KBTBD12: variants seen among roughly 807,000 people sequenced by gnomAD.
KBTBD12 encodes kelch repeat and BTB domain-containing protein 12.
A neutral mutation model predicts 58.7 loss-of-function variants in KBTBD12; 53 were observed. That is an observed-to-expected ratio of 0.90 (90% CI 0.72 to 1.14). The LOEUF (loss-of-function observed/expected upper bound fraction) is 1.14, where lower values mean the gene tolerates loss of function less well. Among genes scored for constraint, KBTBD12 ranks in the 50% most tolerant of loss-of-function variants. The probability of loss-of-function intolerance (pLI) is 0.00; values close to 1 mark genes in which losing one functional copy is unlikely to be tolerated. For missense variants in KBTBD12, 704 were observed against 751.3 expected (o/e 0.94, Z 0.74); for synonymous variants, 236 against 259.8 (o/e 0.91, Z 0.88).
chr3:127,958,227 AG>A (rs1389178060), intron 4 of KBTBD12, among the ~76,000 whole-genome samples: 1 of 151,942 alleles, frequency 6.6e-6, no homozygotes, highest in African/African-American at 2.4e-5. Context: ...GGCACTGAGG[AG>A]GTACAGTCAG....
chr3:127,978,735 G>A lies in KBTBD12; in HGVS notation c.1691-5362G>A, dbSNP rs180866317. ...CTGACCAGGGAAACTTTGGTCCCAAGAGTCTGAGTAAAGTCCCCATTGCCT... is the reference window on the plus strand; with the variant it reads ...CTGACCAGGGAAACTTTGGTCCCAAAAGTCTGAGTAAAGTCCCCATTGCCT... On this transcript the variant is annotated intron_variant, in intron 5 of 5. Transcript: ENST00000405109. 4.6e-5 allele frequency among the ~76,000 whole-genome samples: 7 copies of A among 152,330 alleles called. No individual in the cohort carries two copies. The East Asian group carries it at 1.3e-3, about 29-fold the overall frequency.
intron 5 of KBTBD12, 94 bp downstream of exon 5, chr3:127,963,480 A>G: frequency 8.5e-7 from 1 of 1,174,182 alleles, no homozygotes; most frequent in Non-Finnish European, 1.2e-6. Context: ...CCTGAGAGCA[A>G]CGTGAGCACT....
rs1311731817 is a variant in KBTBD12 at position 127,986,330 on chromosome 3, G to A, written c.*2052G>A. 1.3e-5 allele frequency: 2 copies of A among 152,600 alleles called. No homozygotes were observed. The highest frequency in any genetic ancestry group is 4.8e-5 in the African/African-American group (2 of 41,440). 9.5% of individuals were successfully genotyped at this position (152,600 alleles called of 1,614,324 possible). On this transcript the variant is annotated 3_prime_UTR_variant, in exon 6 of 6. Transcript: ENST00000405109. ...GGATTAAGTGCTGAGCAAAGTGCCT[G>A]TGAAATCCTGAAATAATAAGCATGT...
chr3:127,938,891 G>A (rs1329911325), intron 4 of KBTBD12, among the ~76,000 whole-genome samples: 1 of 152,122 alleles, frequency 6.6e-6, no homozygotes, highest in Non-Finnish European at 1.5e-5. Context: ...TCTGTAAACA[G>A]AAGTAGGTAC....
chr3:127,968,403 A>C (rs1465309268), intron 5 of KBTBD12, among the ~76,000 whole-genome samples: 1 of 152,222 alleles, frequency 6.6e-6, no homozygotes, highest in Non-Finnish European at 1.5e-5. Context: ...AACAATTCCA[A>C]ACTTACTATT....
intron 4 of KBTBD12, among the ~76,000 whole-genome samples, chr3:127,952,923 A>G (rs1340703817): frequency 2.6e-5 from 4 of 152,226 alleles, no homozygotes; most frequent in Non-Finnish European, 5.9e-5. Context: ...GTATTCTTTA[A>G]CAGAAATAAG....
rs1559759643 is a variant in KBTBD12, at chr3:127,923,413, A to G, written c.352A>G (p.Ser118Gly). 4 of 1,613,090 alleles carry G rather than the reference A, an allele frequency of 2.5e-6. No individual in the cohort carries two copies. The highest frequency in any genetic ancestry group is 3.4e-6 in the Non-Finnish European group (4 of 1,179,810). ...TTTTATGCAGATGGAAGAAGTCTTCAGTGTGTGTCAAAAATATATGATGGA... is the reference window on the plus strand; with the variant it reads ...TTTTATGCAGATGGAAGAAGTCTTCGGTGTGTGTCAAAAATATATGATGGA... ...AYFMQMEEVF[S>G]VCQKYMMDHM... The change falls in exon 2 of 6, where the codon AGT (serine) becomes GGT (glycine). Residue 118 changes from serine (S) to glycine (G), a missense_variant. Physicochemically the swap from Ser to Gly is moderately conservative, Grantham distance 56. Transcript: ENST00000405109.
intron 4 of KBTBD12, among the ~76,000 whole-genome samples, chr3:127,939,583 A>G (rs571384270): frequency 2.0e-5 from 3 of 152,332 alleles, no homozygotes; most frequent in African/African-American, 7.2e-5. Flanking sequence ...CGTATTTTGT[A>G]ATCCCAAAAG....
At chr3:127,971,649 G>C (rs1310589575) in intron 5 of KBTBD12, among the ~76,000 whole-genome samples, 1 of 152,138 alleles carries the variant, frequency 6.6e-6, no homozygotes, top group Admixed American at 6.5e-5. Context: ...GGGAGCTCAG[G>C]GAGCAGGCTG....
intron 1 of KBTBD12, among the ~76,000 whole-genome samples, chr3:127,919,313 C>A (rs1216193421): frequency 6.6e-6 from 1 of 152,178 alleles, no homozygotes; most frequent in Non-Finnish European, 1.5e-5. Context: ...TCACTGCAAC[C>A]TCTGCCTCCC....
At chr3:127,975,122 G>A (rs1279396035) in intron 5 of KBTBD12, among the ~76,000 whole-genome samples, 2 of 152,200 alleles carry the variant, frequency 1.3e-5, no homozygotes, top group Non-Finnish European at 2.9e-5. Flanking sequence ...TGGGAAAGGA[G>A]GGGCGCCAGG....
chr3:127,955,956 A>G (rs2107606234), intron 4 of KBTBD12, among the ~76,000 whole-genome samples: 1 of 152,296 alleles, frequency 6.6e-6, no homozygotes, highest in South Asian at 2.1e-4. Context: ...TTCTGCTCTA[A>G]TTGCAAGAGT....
chr3:127,953,402 C>G (rs902385147), intron 4 of KBTBD12, among the ~76,000 whole-genome samples: 1 of 152,220 alleles, frequency 6.6e-6, no homozygotes, highest in Non-Finnish European at 1.5e-5. Flanking sequence ...CACATTCACA[C>G]AGCCTGCTTT....
chr3:127,955,484 T>A (rs1367143605), intron 4 of KBTBD12, among the ~76,000 whole-genome samples: 1 of 152,216 alleles, frequency 6.6e-6, no homozygotes, highest in East Asian at 1.9e-4. Flanking sequence ...GTGGTAAGAT[T>A]TTACCCTTTT....
chr3:127,986,473 TG>T lies in KBTBD12; in HGVS notation c.*2196del, dbSNP rs1170401691. The T allele has an allele frequency of 6.6e-6, 1 of 151,418 alleles. No homozygotes were observed. Among genetic ancestry groups the T allele is most frequent in the Non-Finnish European group, 1.5e-5 (1 of 67,942 alleles). The allele number at this position is 151,418 out of a possible 1,614,324, so 9.4% of individuals were successfully genotyped here. ...GTGGGGCAGATGTGCATATGGCTTG[TG>T]ACGGTTCTTTCTTTTTTTTTTTTTT... On this transcript the variant is annotated 3_prime_UTR_variant, in exon 6 of 6. Transcript: ENST00000405109.
chr3:127,928,918 A>T (rs368763659), intron 3 of KBTBD12, among the ~76,000 whole-genome samples: 55 of 152,318 alleles, frequency 3.6e-4, no homozygotes, highest in Middle Eastern at 3.4e-3. Flanking sequence ...CTTAAACCTC[A>T]CATGTAACAC....
chr3:127,982,341 T>A (rs887194163), intron 5 of KBTBD12, among the ~76,000 whole-genome samples: 9 of 152,192 alleles, frequency 5.9e-5, no homozygotes, highest in African/African-American at 1.9e-4. Context: ...ATCTTTGCTG[T>A]GCACACGAGC....
intron 4 of KBTBD12, among the ~76,000 whole-genome samples, chr3:127,962,802 C>T (rs1460588385): frequency 6.6e-6 from 1 of 152,152 alleles, no homozygotes; most frequent in Non-Finnish European, 1.5e-5. Flanking sequence ...CTAGCCACAT[C>T]AGCAAAAGCA....
At chr3:127,967,100 A>G (rs1267901260) in intron 5 of KBTBD12, among the ~76,000 whole-genome samples, 1 of 152,228 alleles carries the variant, frequency 6.6e-6, no homozygotes, top group East Asian at 1.9e-4. Flanking sequence ...AAAAATGAAC[A>G]TATAAACCAA....
Sources: gnomAD v4.1 joint callset for allele counts (sites outside exome capture counted in the v4.1 genomes callset) on GRCh38, gnomAD v4.1.1 for gene constraint, MANE v1.5 for transcripts, NCBI Gene and HGNC (gene_info 2026-07-23, HGNC 2026-07-21) for gene names.